The following FSTL5 variants were observed in gnomAD, a reference collection of about 807,000 sequenced individuals.
FSTL5 encodes the protein follistatin-related protein 5.
A neutral mutation model predicts 89.1 loss-of-function variants in FSTL5; 62 were observed. The observed-to-expected ratio is 0.70, with a 90% CI of 0.57 to 0.86. The LOEUF is 0.86. FSTL5 is among the 40% of genes least tolerant of loss of function. The probability of loss-of-function intolerance (pLI) is 0.00; values close to 1 mark genes in which losing one functional copy is unlikely to be tolerated. For synonymous variants in FSTL5, 383 were observed against 346.2 expected (o/e 1.11, Z -1.18); for missense variants, 1,057 against 1,001.6 (o/e 1.06, Z -0.75).
chr4:161,503,012 A>T (rs1256550245), intron 11 of FSTL5, among the ~76,000 whole-genome samples: 2 of 151,714 alleles, frequency 1.3e-5, no homozygotes, highest in African/African-American at 4.8e-5. Flanking sequence ...AAAATATGAC[A>T]AAGAGGGATG....
At chr4:161,857,360 G>A (rs1731753274) in intron 4 of FSTL5, among the ~76,000 whole-genome samples, 1 of 152,180 alleles carries the variant, frequency 6.6e-6, no homozygotes, top group Non-Finnish European at 1.5e-5. Context: ...TTTGGTCTGA[G>A]TAACCTAGTG....
chr4:161,858,460 A>G (rs572252343), intron 4 of FSTL5, among the ~76,000 whole-genome samples: 1 of 152,214 alleles, frequency 6.6e-6, no homozygotes, highest in Non-Finnish European at 1.5e-5. Context: ...ATGATAACAT[A>G]GTGAGCAAAA....
chr4:162,075,597 G>C (rs781283402), intron 2 of FSTL5, among the ~76,000 whole-genome samples: 7 of 151,824 alleles, frequency 4.6e-5, no homozygotes, highest in African/African-American at 7.2e-5. Context: ...TACACTACTT[G>C]CACACTAGAA....
chr4:161,435,345 C>T (rs913520994), intron 15 of FSTL5, among the ~76,000 whole-genome samples: 5 of 152,008 alleles, frequency 3.3e-5, no homozygotes, highest in Non-Finnish European at 7.4e-5. Context: ...CACATGTTCT[C>T]ATTTATTTGT....
intron 6 of FSTL5, among the ~76,000 whole-genome samples, chr4:161,755,625 G>A (rs901570093): frequency 8.5e-5 from 13 of 152,114 alleles, no homozygotes; most frequent in African/African-American, 2.9e-4. Context: ...GTATGTGGAG[G>A]AAGGCATCCT....
At chr4:162,078,361 T>C (rs1729952791) in intron 2 of FSTL5, among the ~76,000 whole-genome samples, 1 of 151,892 alleles carries the variant, frequency 6.6e-6, no homozygotes, top group South Asian at 2.1e-4. Flanking sequence ...TCCCAACACC[T>C]AGAAGCGGCT....
intron 3 of FSTL5, among the ~76,000 whole-genome samples, chr4:161,993,889 A>C (rs952103299): frequency 1.2e-4 from 18 of 152,080 alleles, no homozygotes; most frequent in Non-Finnish European, 2.1e-4. Flanking sequence ...GGAACATTTC[A>C]ATTTGTTTTT....
chr4:161,465,968 T>C (rs2126423419), intron 13 of FSTL5, among the ~76,000 whole-genome samples: 1 of 152,346 alleles, frequency 6.6e-6, no homozygotes, highest in East Asian at 1.9e-4. Context: ...TAGTGATTTA[T>C]ACATTGAAGT....
intron 12 of FSTL5, among the ~76,000 whole-genome samples, chr4:161,496,322 C>T (rs780293381): frequency 8.5e-5 from 13 of 152,100 alleles, no homozygotes; most frequent in Non-Finnish European, 1.0e-4. Context: ...GTCAGCATGG[C>T]TAGCCTATGG....
At chr4:162,132,736 A>C (rs1732354880) in intron 1 of FSTL5, among the ~76,000 whole-genome samples, 1 of 152,168 alleles carries the variant, frequency 6.6e-6, no homozygotes, top group African/African-American at 2.4e-5. Context: ...AGATAATTTG[A>C]ATTTATCTTT....
chr4:161,673,449 T>C (rs1737190577), intron 6 of FSTL5, among the ~76,000 whole-genome samples: 1 of 152,076 alleles, frequency 6.6e-6, no homozygotes. Flanking sequence ...TAAATACATT[T>C]CTTCCTTAAA....
At chr4:162,129,601 T>C (rs1230497803) in intron 1 of FSTL5, among the ~76,000 whole-genome samples, 1 of 152,132 alleles carries the variant, frequency 6.6e-6, no homozygotes, top group South Asian at 2.1e-4. Flanking sequence ...GGTGAAACTT[T>C]CCAAAATAGT....
At chr4:162,138,082 G>A (rs1472359038) in intron 1 of FSTL5, among the ~76,000 whole-genome samples, 3 of 152,032 alleles carry the variant, frequency 2.0e-5, no homozygotes, top group Admixed American at 1.3e-4. Flanking sequence ...TTAAGTCATT[G>A]ATAGCTGAAA....
intron 7 of FSTL5, among the ~76,000 whole-genome samples, chr4:161,608,907 T>C (rs940929233): frequency 3.3e-5 from 5 of 152,088 alleles, no homozygotes; most frequent in Non-Finnish European, 5.9e-5. Flanking sequence ...TCACACCTGT[T>C]GCCTGGTATA....
At chr4:162,128,920 CTT>C (rs11317941) in intron 1 of FSTL5, among the ~76,000 whole-genome samples, 13,331 of 128,778 alleles carry the variant, frequency 0.1, 631 homozygotes, top group African/African-American at 0.17. Flanking sequence ...CTGTTTGAGA[CTT>C]TTTTTTTTTT....
Position 161,775,879 on chromosome 4 carries a change from T to G in FSTL5, c.605A>C (p.Gln202Pro). Residue 202 changes from glutamine to proline, a missense_variant and splice_region_variant, in exon 5 of 16, where the codon CAG becomes CCG. This residue lies in a region of FSTL5 where 980 missense variants were observed against 903.2 expected (regional missense o/e 1.08). Transcript: ENST00000306100. ...TGTTAATATAGTCACTAATCATACC[T>G]GAGTTAGTTCATTAATATCTACAAG... is the stretch of plus-strand genomic sequence containing the variant. The part of the protein sequence containing the change: ...NGLVDINELT[Q>P]VIKQEELGKD... 2 of 1,474,308 alleles carry G rather than the reference T, an allele frequency of 1.4e-6. No individual in the cohort carries two copies. The highest frequency in any genetic ancestry group is 1.8e-6 in the Non-Finnish European group (2 of 1,090,524). 91.3% of individuals were successfully genotyped at this position (1,474,308 alleles called of 1,614,324 possible).
At chr4:161,404,476 G>A (rs1731288950) in intron 15 of FSTL5, among the ~76,000 whole-genome samples, 1 of 152,078 alleles carries the variant, frequency 6.6e-6, no homozygotes, top group Admixed American at 6.5e-5. Flanking sequence ...AAAGGCTAAG[G>A]AAGCATTCTA....
intron 15 of FSTL5, among the ~76,000 whole-genome samples, chr4:161,435,685 CAT>C (rs1476731287): frequency 2.0e-5 from 3 of 150,466 alleles, no homozygotes; most frequent in Middle Eastern, 7.1e-3. Flanking sequence ...TCCTGTAATC[CAT>C]ATATATGTAT....
chr4:161,783,064 C>A (rs182343685), intron 4 of FSTL5, among the ~76,000 whole-genome samples: 2 of 152,180 alleles, frequency 1.3e-5, no homozygotes, highest in East Asian at 3.9e-4. Flanking sequence ...AGAACATTAG[C>A]AGAAAACACA....
Sources: gnomAD v4.1 joint callset for allele counts (sites outside exome capture counted in the v4.1 genomes callset) on GRCh38, gnomAD v4.1.1 for gene constraint, gnomAD v4.1.1 regional missense constraint, MANE v1.5 for transcripts, NCBI Gene and HGNC (gene_info 2026-07-23, HGNC 2026-07-21) for gene names.